The following RNF185 variants were observed in gnomAD, a reference collection of about 807,000 sequenced individuals.
The protein encoded by RNF185 is ring finger protein 185, also known as E3 ubiquitin-protein ligase RNF185.
Under a neutral mutation model 24.9 loss-of-function variants are expected in RNF185, and 13 were observed. The observed-to-expected ratio is 0.52, with a 90% confidence interval of 0.34 to 0.83. The LOEUF is 0.83. RNF185 is among the 40% of genes least tolerant of loss of function. RNF185 has a pLI of 0.01. For synonymous variants in RNF185, 79 were observed against 90.3 expected, an observed-to-expected ratio of 0.88 and a Z score of 0.71; for missense variants, 184 against 244.7, an observed-to-expected ratio of 0.75 and a Z score of 1.65.
At chr22:31,180,110 G>C (rs780085733) in intron 1 of RNF185, among the ~76,000 whole-genome samples, 1 of 151,760 alleles carries the variant, frequency 6.6e-6, no homozygotes, top group Non-Finnish European at 1.5e-5. Context: ...AGAACATGGC[G>C]GGGGGGTGGG....
chr22:31,194,923 A>G (rs1054826257), intron 3 of RNF185, among the ~76,000 whole-genome samples: 2 of 152,010 alleles, frequency 1.3e-5, no homozygotes, highest in Non-Finnish European at 2.9e-5. Flanking sequence ...CCTAGAGAGA[A>G]ACAAAGCATG....
At chr22:31,185,311 A>G (rs1418832944) in intron 1 of RNF185, among the ~76,000 whole-genome samples, 1 of 152,128 alleles carries the variant, frequency 6.6e-6, no homozygotes, top group Non-Finnish European at 1.5e-5. Context: ...ATGAGGCCAG[A>G]GCTCTGAGTC....
intron 1 of RNF185, among the ~76,000 whole-genome samples, chr22:31,183,797 C>A (rs2048064274): frequency 6.6e-6 from 1 of 152,352 alleles, no homozygotes; most frequent in Non-Finnish European, 1.5e-5. Flanking sequence ...TACACAGACA[C>A]AATAACAATC....
intron 1 of RNF185, among the ~76,000 whole-genome samples, chr22:31,175,265 C>T (rs2047971046): frequency 6.6e-6 from 1 of 151,666 alleles, no homozygotes. Context: ...GCCTGGGCAG[C>T]ATGGCGAAAC....
intron 1 of RNF185, among the ~76,000 whole-genome samples, chr22:31,179,469 A>G (rs1257075031): frequency 6.6e-6 from 1 of 152,180 alleles, no homozygotes; most frequent in Non-Finnish European, 1.5e-5. Flanking sequence ...AATATGTTAC[A>G]AAGAAAAGTT....
At chr22:31,192,590 C>A in intron 2 of RNF185, 94 bp from the exon 3 acceptor site, 2 of 1,034,090 alleles carry the variant, frequency 1.9e-6, no homozygotes, top group South Asian at 2.6e-5. Context: ...ACTACCACTC[C>A]ACCCATCAAG....
intron 3 of RNF185, 53 bp downstream of exon 3, chr22:31,192,755 GAGCC>G: frequency 6.4e-7 from 1 of 1,565,386 alleles, no homozygotes; most frequent in Non-Finnish European, 8.8e-7. Flanking sequence ...TTGCACAAGA[GAGCC>G]CTAGTCTCAG....
At position 31,187,241 on chromosome 22, in the gene RNF185, C is replaced by G; in HGVS notation, c.147C>G (p.Ala49=). ...TCTGCTTGGACACAGCCAAGGATGC[C>G]GTCATCAGCCTGTGTGGCCACCTCT... The part of the protein sequence containing the change: ...CNICLDTAKD[A]VISLCGHLFC... Residue 49 remains alanine, a synonymous_variant, in exon 2 of 7, where the codon GCC becomes GCG. Coordinates refer to ENST00000326132, the MANE Select transcript of RNF185 (RefSeq NM_152267.4). 3 of 1,614,048 alleles carry G rather than the reference C, an allele frequency of 1.9e-6. No individual in the cohort carries two copies. The highest frequency in any genetic ancestry group is 2.5e-6 in the Non-Finnish European group (3 of 1,179,946).
chr22:31,189,119 CTG>C (rs2147949207), intron 2 of RNF185, among the ~76,000 whole-genome samples: 1 of 104,974 alleles, frequency 9.5e-6, no homozygotes, highest in South Asian at 2.9e-4. Context: ...GAGCAAGACT[CTG>C]TCTCAAAAAA....
intron 5 of RNF185, among the ~76,000 whole-genome samples, chr22:31,199,929 A>G (rs1008939787): frequency 2.0e-5 from 3 of 152,200 alleles, no homozygotes; most frequent in Admixed American, 2.0e-4. Flanking sequence ...AATGAAGGCC[A>G]TTGAGCTCTT....
At chr22:31,194,398 G>T (rs2147956064) in intron 3 of RNF185, among the ~76,000 whole-genome samples, 1 of 152,202 alleles carries the variant, frequency 6.6e-6, no homozygotes, top group East Asian at 1.9e-4. Flanking sequence ...TCCTGATTCT[G>T]ATGCCTGGGA....
In RNF185 at chr22:31,171,370, A is replaced by G. The variant is rs1443316734; in HGVS notation, c.-49+11067A>G. Among the ~76,000 whole-genome samples, 24 of 150,124 alleles carry G rather than the reference A, an allele frequency of 1.6e-4. No homozygotes were observed. In the South Asian group the frequency reaches 4.8e-3, roughly 30 times the overall value. ...TTTTTTTGGTGTTTTTAGTAGAGAC[A>G]GGGTTTCACTATGTTGGCCAGGCTG... is the stretch of plus-strand genomic sequence containing the variant. On this transcript the variant is annotated intron_variant, in intron 1 of 6. Transcript: ENST00000326132.
At position 31,180,386 on chromosome 22, in the gene RNF185, A is replaced by AC. The variant is rs564891622; in HGVS notation, c.-48-6658dup. On this transcript the variant is annotated intron_variant, in intron 1 of 6. Transcript: ENST00000326132. ...AGCTGAGGCAGGGAGAATTGCTTGA[A>AC]CCCGGGAGGTGGAGGTTGCAGTGAG... 8.7e-3 allele frequency among the ~76,000 whole-genome samples: 1,325 copies of AC among 151,492 alleles called. 24 individuals are homozygous for AC. Among genetic ancestry groups the AC allele is most frequent in the African/African-American group, 0.031 (1,269 of 41,292 alleles).
chr22:31,206,056 T>C lies in RNF185; in HGVS notation c.*1470T>C. On this transcript the variant is annotated 3_prime_UTR_variant, in exon 7 of 7. Coordinates refer to ENST00000326132, the MANE Select transcript of RNF185 (RefSeq NM_152267.4). The stretch of plus-strand genomic sequence containing the variant: ...GCTTTCCTCTGGGCCTCTCTCCTAC[T>C]TTGCCATCCACACTGCTCCTGGCTA... The C allele has an allele frequency of 6.5e-6, 1 of 154,894 alleles. No homozygotes were observed. Among genetic ancestry groups the C allele is most frequent in the Middle Eastern group, 5.2e-4 (1 of 1,918 alleles). 9.6% of individuals were successfully genotyped at this position (154,894 alleles called of 1,614,324 possible). A position where few individuals can be genotyped will look rare whatever the true frequency, so the allele number is the denominator to read the frequency against.
intron 1 of RNF185, among the ~76,000 whole-genome samples, chr22:31,163,453 G>A (rs903117891): frequency 1.3e-5 from 2 of 151,408 alleles, no homozygotes; most frequent in African/African-American, 4.8e-5. Context: ...TCAGCCACCC[G>A]AGTAGTTGGG....
At chr22:31,187,730 C>T (rs1480556318) in intron 2 of RNF185, among the ~76,000 whole-genome samples, 1 of 152,140 alleles carries the variant, frequency 6.6e-6, no homozygotes, top group Non-Finnish European at 1.5e-5. Flanking sequence ...CTTAGAAGAG[C>T]ACATAGCTTG....
chr22:31,183,114 G>A (rs1374657165), intron 1 of RNF185: 1 of 151,870 alleles, frequency 6.6e-6, no homozygotes, highest in African/African-American at 2.4e-5. Context: ...AGTAGAGACA[G>A]GGTTTCACCA....
At chr22:31,165,407 A>T (rs1292877631) in intron 1 of RNF185, among the ~76,000 whole-genome samples, 2 of 152,066 alleles carry the variant, frequency 1.3e-5, no homozygotes, top group African/African-American at 4.8e-5. Context: ...TCTTATTTGG[A>T]GAAATGTCTG....
intron 1 of RNF185, among the ~76,000 whole-genome samples, chr22:31,184,926 G>C (rs2048083224): frequency 7.2e-6 from 1 of 139,008 alleles, no homozygotes; most frequent in Non-Finnish European, 1.5e-5. Flanking sequence ...CGAGGACCGT[G>C]CAAAGGGGAG....
Sources: gnomAD v4.1 joint callset for allele counts (sites outside exome capture counted in the v4.1 genomes callset) on GRCh38, gnomAD v4.1.1 for gene constraint, MANE v1.5 for transcripts, NCBI Gene and HGNC (gene_info 2026-07-23, HGNC 2026-07-21) for gene names.